Variants in FAM120B observed in about 807,000 individuals in gnomAD.
FAM120B encodes the protein family with sequence similarity 120 member B.
In FAM120B, 83 loss-of-function variants were observed where a neutral mutation model predicts 96.3. That is an observed-to-expected ratio of 0.86 (90% CI 0.72 to 1.03). The LOEUF (loss-of-function observed/expected upper bound fraction) is 1.03. Ranked by LOEUF, FAM120B falls within the 50% of genes least tolerant of loss-of-function variation. The pLI, the probability that FAM120B is intolerant of heterozygous loss-of-function variation, is 0.00. For synonymous variants in FAM120B, 407 were observed against 402.7 expected, an observed-to-expected ratio of 1.01 and a Z score of -0.13; for missense variants, 1,027 against 1,121.2, an observed-to-expected ratio of 0.92 and a Z score of 1.20.
chr6:170,291,372 C>A (rs1407526872), upstream of FAM120B, among the ~76,000 whole-genome samples: 1 of 151,706 alleles, frequency 6.6e-6, no homozygotes, highest in Non-Finnish European at 1.5e-5. Flanking sequence ...AAACTCCGGG[C>A]CGCGGCGGCA....
chr6:170,309,258 T>C (rs1189921585), intron 1 of FAM120B, among the ~76,000 whole-genome samples: 1 of 152,234 alleles, frequency 6.6e-6, no homozygotes, highest in African/African-American at 2.4e-5. Flanking sequence ...ATGTTTAAAG[T>C]TTAAATTATT....
At chr6:170,368,553 C>T (rs1019550413) in intron 6 of FAM120B, among the ~76,000 whole-genome samples, 8 of 152,126 alleles carry the variant, frequency 5.3e-5, no homozygotes, top group Non-Finnish European at 1.0e-4. Context: ...AATATGTTTT[C>T]AAGGAGATAT....
At chr6:170,385,449 G>A (rs1790132730) in intron 6 of FAM120B, among the ~76,000 whole-genome samples, 1 of 152,134 alleles carries the variant, frequency 6.6e-6, no homozygotes, top group African/African-American at 2.4e-5. Flanking sequence ...AGTGTGGTAG[G>A]TAGGAAGGAA....
chr6:170,375,333 C>A (rs1443688457), intron 6 of FAM120B, among the ~76,000 whole-genome samples: 1 of 152,216 alleles, frequency 6.6e-6, no homozygotes, highest in Non-Finnish European at 1.5e-5. Context: ...TGGAAACTGA[C>A]TGTTGGCAAA....
At chr6:170,309,730 A>G (rs1045014712) in intron 1 of FAM120B, among the ~76,000 whole-genome samples, 16 of 152,254 alleles carry the variant, frequency 1.1e-4, no homozygotes, top group African/African-American at 3.9e-4. Flanking sequence ...ATGGCTAACT[A>G]TGATAAGAGC....
At chr6:170,296,016 C>G (rs1369942812) in intron 1 of FAM120B, among the ~76,000 whole-genome samples, 2 of 152,130 alleles carry the variant, frequency 1.3e-5, no homozygotes. Context: ...CCCTGGAACC[C>G]GCGGATCATC....
At chr6:170,322,985 A>C in intron 2 of FAM120B, 94 bp from the exon 3 acceptor site, 1 of 1,056,148 alleles carries the variant, frequency 9.5e-7, no homozygotes, top group South Asian at 1.8e-5. Flanking sequence ...GGCCTTAAAA[A>C]ACTGGCATAT....
intron 6 of FAM120B, among the ~76,000 whole-genome samples, chr6:170,358,658 C>T (rs1248402058): frequency 6.6e-6 from 1 of 152,216 alleles, no homozygotes; most frequent in Admixed American, 6.5e-5. Context: ...TGGCCTGCCT[C>T]CCAGATGGCT....
chr6:170,329,630 C>A (rs541399610), intron 3 of FAM120B, among the ~76,000 whole-genome samples: 3 of 151,456 alleles, frequency 2.0e-5, no homozygotes, highest in Non-Finnish European at 4.4e-5. Context: ...GAGGTGTTCT[C>A]TTTATCCTGT....
chr6:170,399,712 G>C (rs1462101706), intron 9 of FAM120B, among the ~76,000 whole-genome samples: 2 of 148,818 alleles, frequency 1.3e-5, no homozygotes, highest in South Asian at 2.2e-4. Flanking sequence ...TTAGAAGTGA[G>C]TGGGAAAGGT....
intron 6 of FAM120B, among the ~76,000 whole-genome samples, chr6:170,361,577 C>G (rs1400212317): frequency 6.6e-6 from 1 of 152,002 alleles, no homozygotes; most frequent in Non-Finnish European, 1.5e-5. Context: ...GTTGTTTTCC[C>G]TTTGTAGTTA....
chr6:170,391,061 G>C lies in FAM120B; in HGVS notation c.2539G>C (p.Ala847Pro). The stretch of plus-strand genomic sequence containing the variant: ...CAACCTGAAGGCAGTCGTCTGCAAG[G>C]CCTGCATGAAGGAGAACAGACGCAT... ...FHNLKAVVCK[A>P]CMKENRRITG... The change falls in exon 8 of 11, where the codon GCC becomes CCC. Residue 847 changes from alanine to proline, a missense_variant. This residue lies in a region of FAM120B where 142 missense variants were observed against 122.5 expected (regional missense o/e 1.16). Transcript: ENST00000476287. 6.2e-7 allele frequency: 1 copy of C among 1,614,138 alleles called. No individual in the cohort carries two copies. The highest frequency in any genetic ancestry group is 8.5e-7 in the Non-Finnish European group (1 of 1,180,022).
chr6:170,361,235 T>TATATAC (rs1218513547), intron 6 of FAM120B, among the ~76,000 whole-genome samples: 88 of 90,022 alleles, frequency 9.8e-4, no homozygotes, highest in Non-Finnish European at 1.7e-3. Context: ...TATATATATA[T>TATATAC]ACACGTATAT....
intron 1 of FAM120B, among the ~76,000 whole-genome samples, chr6:170,297,248 C>T (rs1023313440): frequency 2.0e-5 from 3 of 152,210 alleles, no homozygotes; most frequent in Admixed American, 2.0e-4. Context: ...CCGCGTCCCC[C>T]CAGGCTGCTC....
chr6:170,371,774 G>T lies in FAM120B; in HGVS notation c.2283+13456G>T, dbSNP rs555654338. On this transcript the variant is annotated intron_variant, in intron 6 of 10. Transcript: ENST00000476287. Reference sequence around the variant, plus strand: ...AGGCCTTGAAGAGTGTCTGCCATTCGTTCCGAGACAGGAAGTAAGAGATGA... The same window carrying T: ...AGGCCTTGAAGAGTGTCTGCCATTCTTTCCGAGACAGGAAGTAAGAGATGA... Among the ~76,000 whole-genome samples the T allele has an allele frequency of 1.8e-4, 27 of 152,302 alleles. No individual in the cohort carries two copies. In the South Asian group the frequency reaches 5.6e-3, roughly 32 times the overall value.
At chr6:170,362,690 T>TC (rs1369635567) in intron 6 of FAM120B, among the ~76,000 whole-genome samples, 2 of 151,556 alleles carry the variant, frequency 1.3e-5, no homozygotes, top group African/African-American at 4.8e-5. Flanking sequence ...TTTTCTTTTT[T>TC]TTTTTTTTTG....
rs1788617626 is a variant in FAM120B, at chr6:170,363,915, T to C, written c.2283+5597T>C. ...ACCCAGCTAATTTTTGTATTTTCAA[T>C]AGAGATGGGGTTTTACCATGTTGGC... On this transcript the variant is annotated intron_variant, in intron 6 of 10. Transcript: ENST00000476287. This position sits in a 1 kb window ranked among gnomAD's most constrained non-coding sequence, Gnocchi z 4.5. Among the ~76,000 whole-genome samples the C allele has an allele frequency of 1.3e-5, 2 of 152,288 alleles. No individual in the cohort carries two copies. The highest frequency in any genetic ancestry group is 4.1e-4 in the South Asian group (2 of 4,822).
chr6:170,333,765 C>T (rs1414953219), intron 4 of FAM120B, among the ~76,000 whole-genome samples: 2 of 151,098 alleles, frequency 1.3e-5, no homozygotes, highest in East Asian at 3.9e-4. Context: ...GGATTACAGG[C>T]GTCAGCCACT....
upstream of FAM120B, among the ~76,000 whole-genome samples, chr6:170,305,498 T>C (rs1784250383): frequency 6.6e-6 from 1 of 152,228 alleles, no homozygotes; most frequent in Non-Finnish European, 1.5e-5. Context: ...AGTGCTTTGC[T>C]AGAGATTCTG....
Sources: allele counts gnomAD v4.1 joint callset (sites outside exome capture counted in the v4.1 genomes callset), GRCh38; gene constraint gnomAD v4.1.1; regional missense constraint gnomAD v4.1.1; non-coding constraint Gnocchi (gnomAD v3.1); transcripts MANE v1.5; gene names NCBI Gene and HGNC (gene_info 2026-07-23, HGNC 2026-07-21).